The following TMC5 variants were observed in gnomAD, a reference collection of about 807,000 sequenced individuals.
TMC5 encodes the protein transmembrane channel-like protein 5.
A neutral mutation model predicts 110.5 loss-of-function variants in TMC5; 86 were observed. The ratio of observed to expected loss-of-function variants is 0.78; its 90% CI spans 0.65 to 0.93. The LOEUF is 0.93. Among genes scored for constraint, TMC5 ranks in the 40% least tolerant of loss-of-function variants. The pLI is 0.00. For missense variants in TMC5, 1,144 were observed against 1,222.8 expected (o/e 0.94, Z 0.96); for synonymous variants, 455 against 439.5 (o/e 1.04, Z -0.44).
Position 19,456,992 on chromosome 16 carries a change from G to C in TMC5, c.1049-3243G>C, listed in dbSNP as rs34555320. 3,226 of 1,611,798 alleles carry C rather than the reference G, an allele frequency of 2.0e-3. 74 individuals carry two copies. The African/African-American group carries it at 0.037, about 19-fold the overall frequency. On this transcript the variant is annotated intron_variant, in intron 5 of 21. Transcript: ENST00000542583. ...AGAATGCATGGGCATAGACACTCCT[G>C]GTTCTTCACATGAAACTGTTCAAGG...
chr16:19,476,344 C>T (rs1486847257), intron 12 of TMC5, among the ~76,000 whole-genome samples: 2 of 151,580 alleles, frequency 1.3e-5, no homozygotes, highest in Non-Finnish European at 2.9e-5. Context: ...GAGACCCTGT[C>T]GGAAGAAAGA....
intron 2 of TMC5, among the ~76,000 whole-genome samples, chr16:19,431,899 G>A (rs995311324): frequency 2.0e-5 from 3 of 152,294 alleles, no homozygotes; most frequent in Admixed American, 2.0e-4. Flanking sequence ...CAGATGTCCT[G>A]TGACTGATTC....
Position 19,444,189 on chromosome 16 carries a change from A to G in TMC5, c.897A>G (p.Ala299=), listed in dbSNP as rs1967560204. The stretch of plus-strand genomic sequence containing the variant: ...ATTACCCTGAAGGCATTGAAATGGC[A>G]TCCATGGAGATGGCAAACTCATATG... ...ENDYPEGIEM[A]SMEMANSYGH... is the part of the protein sequence containing the mutation. Residue 299 remains alanine (A), a synonymous_variant, in exon 4 of 22, where the codon GCA becomes GCG. Coordinates refer to ENST00000542583, the MANE Select transcript of TMC5 (RefSeq NM_001261841.2). 6.2e-7 allele frequency: 1 copy of G among 1,614,070 alleles called. No homozygotes were observed. Among genetic ancestry groups the G allele is most frequent in the South Asian group, 1.1e-5 (1 of 91,076 alleles).
intron 2 of TMC5, among the ~76,000 whole-genome samples, chr16:19,438,824 G>C (rs956869438): frequency 4.6e-5 from 7 of 152,202 alleles, no homozygotes; most frequent in African/African-American, 7.2e-5. Flanking sequence ...AAAAACTTTA[G>C]ACAAACTAGA....
chr16:19,485,523 C>T (rs1173957708), intron 15 of TMC5, among the ~76,000 whole-genome samples: 1 of 152,100 alleles, frequency 6.6e-6, no homozygotes, highest in Non-Finnish European at 1.5e-5. Context: ...GTTTCGAACT[C>T]CTAACCTCAG....
At chr16:19,417,049 G>T (rs1966881156), upstream of TMC5, among the ~76,000 whole-genome samples, 1 of 125,266 alleles carries the variant, frequency 8.0e-6, no homozygotes, top group East Asian at 2.4e-4. Context: ...AGCCCAGATG[G>T]CGCCATTGCA....
intron 18 of TMC5, among the ~76,000 whole-genome samples, chr16:19,490,984 C>CTTCT (rs1555486696): frequency 1.4e-5 from 1 of 73,466 alleles, no homozygotes; most frequent in Non-Finnish European, 2.8e-5. Context: ...CCTTCCCCTT[C>CTTCT]TCCTTCCTTC....
At chr16:19,457,842 G>A (rs1393128066) in intron 5 of TMC5, among the ~76,000 whole-genome samples, 1 of 145,290 alleles carries the variant, frequency 6.9e-6, no homozygotes, top group Admixed American at 7.4e-5. Context: ...TCATGCCTCA[G>A]CCTGCTGAGT....
chr16:19,422,490 C>T (rs1185374698), intron 1 of TMC5, among the ~76,000 whole-genome samples: 1 of 152,094 alleles, frequency 6.6e-6, no homozygotes, highest in East Asian at 1.9e-4. Flanking sequence ...TAAGTACTTA[C>T]TTAATTTATC....
At chr16:19,495,595 G>A (rs920820141) in intron 20 of TMC5, among the ~76,000 whole-genome samples, 3 of 151,944 alleles carry the variant, frequency 2.0e-5, no homozygotes, top group African/African-American at 7.3e-5. Flanking sequence ...GTTTATAATC[G>A]CAGCTACTCA....
intron 1 of TMC5, among the ~76,000 whole-genome samples, chr16:19,430,163 C>G (rs1967167740): frequency 6.6e-6 from 1 of 152,104 alleles, no homozygotes; most frequent in African/African-American, 2.4e-5. Context: ...AGAGCTTCAC[C>G]AGAAATGTTT....
intron 15 of TMC5, among the ~76,000 whole-genome samples, chr16:19,485,127 T>C (rs76187269): frequency 1.3e-5 from 2 of 151,462 alleles, no homozygotes; most frequent in Admixed American, 1.3e-4. Context: ...TTTTTTTTTT[T>C]TTACTCAAAT....
intron 9 of TMC5, among the ~76,000 whole-genome samples, chr16:19,466,532 A>T (rs972051621): frequency 4.6e-5 from 7 of 152,054 alleles, no homozygotes; most frequent in African/African-American, 1.7e-4. Context: ...TTGTATTTTT[A>T]ATAGAGATGG....
rs138698022 is a variant in TMC5, at chr16:19,473,059, C to T, written c.1938+816C>T. ...CTCCCAGCCTCACACAAAAGTGCAG[C>T]ACAGGGCCAGGCACAGTGGCTCACG... is the stretch of plus-strand genomic sequence containing the variant. On this transcript the variant is annotated intron_variant, in intron 11 of 21. Coordinates refer to ENST00000542583, the MANE Select transcript of TMC5 (RefSeq NM_001261841.2). Among the ~76,000 whole-genome samples, 1,135 of 151,912 alleles carry T rather than the reference C, an allele frequency of 7.5e-3. 9 individuals carry two copies. The highest frequency in any genetic ancestry group is 1.0e-2 in the Non-Finnish European group (678 of 67,918).
intron 21 of TMC5, 47 bp from the exon 22 acceptor site, chr16:19,497,873 G>C (rs915439055): frequency 2.5e-6 from 4 of 1,586,126 alleles, no homozygotes; most frequent in Non-Finnish European, 8.6e-7. Context: ...TGTAGAGATG[G>C]GGCAGAGTGT....
chr16:19,455,453 G>A (rs1967844230), intron 5 of TMC5, among the ~76,000 whole-genome samples: 1 of 151,932 alleles, frequency 6.6e-6, no homozygotes, highest in Admixed American at 6.6e-5. Context: ...TTTTTAAAAA[G>A]CAAAAAAACA....
At chr16:19,457,701 A>T (rs1397705525) in intron 5 of TMC5, among the ~76,000 whole-genome samples, 1 of 88,254 alleles carries the variant, frequency 1.1e-5, no homozygotes. Flanking sequence ...GATTCCCAAG[A>T]CTACATTCTT....
intron 18 of TMC5, 93 bp from the exon 19 acceptor site, chr16:19,492,057 C>A: frequency 9.9e-7 from 1 of 1,006,930 alleles, no homozygotes; most frequent in Non-Finnish European, 1.5e-6. Flanking sequence ...AATCCATCTG[C>A]AAGCACAGAT....
intron 18 of TMC5, 113 bp from the exon 19 acceptor site, chr16:19,492,037 G>A (rs1407838526): frequency 2.4e-6 from 2 of 818,572 alleles, no homozygotes; most frequent in African/African-American, 1.7e-5. Context: ...TCAGAAACAT[G>A]TTTGGGCCAA....
Sources: gnomAD v4.1 joint callset for allele counts (sites outside exome capture counted in the v4.1 genomes callset) on GRCh38, gnomAD v4.1.1 for gene constraint, MANE v1.5 for transcripts, NCBI Gene and HGNC (gene_info 2026-07-23, HGNC 2026-07-21) for gene names.